ZBTB38: variants seen among roughly 807,000 people sequenced by gnomAD.
ZBTB38 encodes the protein zinc finger and BTB domain-containing protein 38.
A neutral mutation model predicts 76.8 loss-of-function variants in ZBTB38; 20 were observed. That is an observed-to-expected ratio of 0.26 (90% CI 0.18 to 0.38). The LOEUF is 0.38. Among genes scored for constraint, ZBTB38 ranks in the 10% least tolerant of loss-of-function variants. ZBTB38 has a pLI of 1.00. For synonymous variants in ZBTB38, 504 were observed against 544.2 expected (o/e 0.93, Z 1.03); for missense variants, 1,082 against 1,482.3 (o/e 0.73, Z 4.43).
At chr3:141,381,620 C>T (rs1051767120) in intron 3 of ZBTB38, 133 bp downstream of exon 3, 14 of 152,252 alleles carry the variant, frequency 9.2e-5, no homozygotes, top group Non-Finnish European at 1.9e-4. Flanking sequence ...CTTCATTCTA[C>T]TACCTATGAG....
chr3:141,327,728 A>C (rs187732211), intron 1 of ZBTB38, among the ~76,000 whole-genome samples: 1 of 152,356 alleles, frequency 6.6e-6, no homozygotes, highest in East Asian at 1.9e-4. Context: ...TAAGAAATGC[A>C]CCACACTAAT....
intron 5 of ZBTB38, chr3:141,426,293 T>C (rs2076367784): frequency 1.3e-6 from 1 of 794,862 alleles, no homozygotes; most frequent in African/African-American, 1.8e-5. Flanking sequence ...CCTGGCTCAG[T>C]GTCAGTGATA....
In ZBTB38 at chr3:141,443,493, G is replaced by A; in HGVS notation, c.1105G>A (p.Glu369Lys). 6.2e-7 allele frequency: 1 copy of A among 1,614,182 alleles called. No individual in the cohort carries two copies. The highest frequency in any genetic ancestry group is 8.5e-7 in the Non-Finnish European group (1 of 1,180,042). ...CATGCAGCTTCACAAGCCAACCCAG[G>A]AGCCTTTAGTGTGCAAGTATTGCAA... Reference protein sequence around the residue: ...AHMQLHKPTQEPLVCKYCNKQ... With the variant: ...AHMQLHKPTQKPLVCKYCNKQ... The change falls in exon 6 of 6, where the codon GAG (glutamate) becomes AAG (lysine). Residue 369 changes from glutamate to lysine, a missense_variant. Coordinates refer to ENST00000321464, the MANE Select transcript of ZBTB38 (RefSeq NM_001376113.1). This position sits in a 1 kb window ranked among gnomAD's most constrained non-coding sequence, Gnocchi z 5.6.
intron 5 of ZBTB38, among the ~76,000 whole-genome samples, chr3:141,429,228 G>A (rs1157232563): frequency 5.9e-5 from 9 of 152,066 alleles, no homozygotes; most frequent in East Asian, 5.8e-4. Context: ...AGGGGAAGGC[G>A]GCAGGTTGCC....
In ZBTB38 at chr3:141,352,357, A is replaced by G. The variant is rs569492378; in HGVS notation, c.-738-16264A>G. Reference sequence around the variant, plus strand: ...ATATGTCTGTGTCCTCAAGGTATGTATAGACTATGAAAGAACCCATGATAA... The same window carrying G: ...ATATGTCTGTGTCCTCAAGGTATGTGTAGACTATGAAAGAACCCATGATAA... On this transcript the variant is annotated intron_variant, in intron 1 of 7. Transcript: ENST00000509842. Among the ~76,000 whole-genome samples the G allele has an allele frequency of 2.0e-4, 30 of 152,154 alleles. 1 individual carries two copies. In the South Asian group the frequency reaches 4.6e-3, roughly 23 times the overall value.
intron 5 of ZBTB38, chr3:141,426,096 T>C (rs2076325529): frequency 1.6e-6 from 2 of 1,270,624 alleles, no homozygotes; most frequent in South Asian, 2.5e-5. Context: ...GTTTGGAGTA[T>C]GGGCATGTCA....
At position 141,445,395 on chromosome 3, in the gene ZBTB38, C is replaced by G; in HGVS notation, c.3007C>G (p.Arg1003Gly). The G allele has an allele frequency of 1.2e-6, 2 of 1,614,082 alleles. No individual in the cohort carries two copies. The highest frequency in any genetic ancestry group is 1.7e-6 in the Non-Finnish European group (2 of 1,180,004). Reference protein sequence around the residue: ...VGAGNQGRPHRHLTSRPYACE... With the variant: ...VGAGNQGRPHGHLTSRPYACE... ...GGCTGGAAACCAAGGAAGGCCCCAC[C>G]GACATCTTACTTCTCGGCCATATGC... The change falls in exon 6 of 6, where the codon CGA becomes GGA. Residue 1003 changes from arginine (R) to glycine (G), a missense_variant. Around this residue, in one of 8 missense-constraint regions of ZBTB38, gnomAD observed 471 missense variants for 581.0 expected, o/e 0.81. Coordinates refer to ENST00000321464, the MANE Select transcript of ZBTB38 (RefSeq NM_001376113.1). This position sits in a 1 kb window ranked among gnomAD's most constrained non-coding sequence, Gnocchi z 6.5.
chr3:141,440,930 A>G (rs2080013763), intron 5 of ZBTB38, among the ~76,000 whole-genome samples: 1 of 150,168 alleles, frequency 6.7e-6, no homozygotes, highest in Non-Finnish European at 1.5e-5. Flanking sequence ...GCTACTCGGG[A>G]GGCTGAGGCA....
At chr3:141,382,726 G>T (rs1432031490) in intron 3 of ZBTB38, among the ~76,000 whole-genome samples, 3 of 151,966 alleles carry the variant, frequency 2.0e-5, no homozygotes, top group Non-Finnish European at 4.4e-5. Context: ...CACCTGCTGG[G>T]CCCAGCCTGT....
intron 1 of ZBTB38, among the ~76,000 whole-genome samples, chr3:141,330,956 T>C (rs1389890366): frequency 1.3e-5 from 2 of 152,236 alleles, no homozygotes; most frequent in Non-Finnish European, 2.9e-5. Flanking sequence ...AATACATTTC[T>C]TTCCTTATAA....
chr3:141,414,598 C>T (rs1158834117), intron 5 of ZBTB38, among the ~76,000 whole-genome samples: 1 of 152,170 alleles, frequency 6.6e-6, no homozygotes, highest in African/African-American at 2.4e-5. Flanking sequence ...GACTAAGTTG[C>T]CCAGTGCTCG....
At chr3:141,384,282 C>A (rs1296343717) in intron 3 of ZBTB38, among the ~76,000 whole-genome samples, 1 of 152,226 alleles carries the variant, frequency 6.6e-6, no homozygotes, top group East Asian at 1.9e-4. Flanking sequence ...ACATTCACCA[C>A]CCTTCCCTGT....
intron 1 of ZBTB38, among the ~76,000 whole-genome samples, chr3:141,363,031 T>G (rs1455210475): frequency 2.0e-5 from 3 of 152,202 alleles, no homozygotes; most frequent in Non-Finnish European, 4.4e-5. Flanking sequence ...CTTGATACAG[T>G]CTAAGTAACC....
chr3:141,374,260 A>C (rs1348926309), intron 2 of ZBTB38, among the ~76,000 whole-genome samples: 1 of 152,128 alleles, frequency 6.6e-6, no homozygotes, highest in Non-Finnish European at 1.5e-5. Flanking sequence ...CCTTAGCATC[A>C]CTTCTAACTA....
At position 141,444,593 on chromosome 3, in the gene ZBTB38, C is replaced by T. The variant is rs764553466; in HGVS notation, c.2205C>T (p.Ala735=). Residue 735 remains alanine, a synonymous_variant, in exon 6 of 6, where the codon GCC becomes GCT. Transcript: ENST00000321464. This position sits in a 1 kb window ranked among gnomAD's most constrained non-coding sequence, Gnocchi z 5.1. Reference sequence around the variant, plus strand: ...TCATGCACAGCAATGCCATTGCTGCCATGACCAGCAGCAACCACAGAGCCT... The same window carrying T: ...TCATGCACAGCAATGCCATTGCTGCTATGACCAGCAGCAACCACAGAGCCT... ...SVIMHSNAIA[A]MTSSNHRAFS... 17 of 1,614,086 alleles carry T rather than the reference C, an allele frequency of 1.1e-5. No individual in the cohort carries two copies. The highest frequency in any genetic ancestry group is 6.7e-5 in the African/African-American group (5 of 74,926).
At chr3:141,406,632 A>G (rs1005709020) in intron 5 of ZBTB38, among the ~76,000 whole-genome samples, 79 of 152,250 alleles carry the variant, frequency 5.2e-4, no homozygotes, top group African/African-American at 1.8e-3. Context: ...AAGTCAAGAG[A>G]TGGGAAAAGA....
chr3:141,343,653 C>A (rs926102541), intron 1 of ZBTB38, among the ~76,000 whole-genome samples: 1 of 152,184 alleles, frequency 6.6e-6, no homozygotes, highest in Non-Finnish European at 1.5e-5. Flanking sequence ...GTTGAAGATA[C>A]CAGGCAAGCT....
chr3:141,382,143 T>C (rs1457469929), intron 3 of ZBTB38, among the ~76,000 whole-genome samples: 2 of 152,190 alleles, frequency 1.3e-5, no homozygotes, highest in Non-Finnish European at 2.9e-5. Flanking sequence ...TAATCCTAGC[T>C]ACTCAGGAGG....
At chr3:141,428,730 C>T (rs936270024) in intron 5 of ZBTB38, among the ~76,000 whole-genome samples, 1 of 152,196 alleles carries the variant, frequency 6.6e-6, no homozygotes, top group Non-Finnish European at 1.5e-5. Flanking sequence ...CCTGCCTCGG[C>T]CTCCCAAAGT....
Sources: allele counts gnomAD v4.1 joint callset (sites outside exome capture counted in the v4.1 genomes callset), GRCh38; gene constraint gnomAD v4.1.1; regional missense constraint gnomAD v4.1.1; non-coding constraint Gnocchi (gnomAD v3.1); transcripts MANE v1.5; gene names NCBI Gene and HGNC (gene_info 2026-07-23, HGNC 2026-07-21).